PRKN: variants seen among roughly 807,000 people sequenced by gnomAD.
PRKN encodes the protein parkin RBR E3 ubiquitin protein ligase, also known as E3 ubiquitin-protein ligase parkin.
Under a neutral mutation model 59.5 loss-of-function variants are expected in PRKN, and 56 were observed. The ratio of observed to expected loss-of-function variants is 0.94; its 90% CI spans 0.76 to 1.18. PRKN has a LOEUF of 1.18. Among genes scored for constraint, PRKN ranks in the 50% most tolerant of loss-of-function variants. The pLI is 0.00. For missense variants in PRKN, 657 were observed against 596.4 expected, an observed-to-expected ratio of 1.10 and a Z score of -1.06; for synonymous variants, 250 against 222.1, an observed-to-expected ratio of 1.13 and a Z score of -1.12.
intron 3 of PRKN, among the ~76,000 whole-genome samples, chr6:162,212,469 T>C (rs1343373055): frequency 6.6e-6 from 1 of 152,144 alleles, no homozygotes; most frequent in Non-Finnish European, 1.5e-5. Context: ...GGAAAGTTGC[T>C]CGGCCTGTGC....
At chr6:162,702,098 C>T (rs756962816) in intron 1 of PRKN, among the ~76,000 whole-genome samples, 1 of 152,012 alleles carries the variant, frequency 6.6e-6, no homozygotes, top group Non-Finnish European at 1.5e-5. Flanking sequence ...TGAAAACTAT[C>T]GTGACAATTG....
intron 5 of PRKN, among the ~76,000 whole-genome samples, chr6:161,986,491 CTT>C (rs66655962): frequency 0.084 from 11,766 of 139,328 alleles, 520 homozygotes; most frequent in Middle Eastern, 0.12. Context: ...CTGCAGTGTC[CTT>C]TTTTTTTTTT....
At chr6:162,608,547 C>T (rs1338491913) in intron 1 of PRKN, among the ~76,000 whole-genome samples, 1 of 152,152 alleles carries the variant, frequency 6.6e-6, no homozygotes, top group Non-Finnish European at 1.5e-5. Flanking sequence ...ACTTGAATGA[C>T]ATAAACCTCA....
chr6:161,638,121 A>G (rs1046506340), intron 7 of PRKN, among the ~76,000 whole-genome samples: 1 of 150,948 alleles, frequency 6.6e-6, no homozygotes, highest in South Asian at 2.1e-4. Flanking sequence ...TGCAGTCTGC[A>G]GTGATATTCA....
intron 1 of PRKN, among the ~76,000 whole-genome samples, chr6:162,595,576 G>A (rs1781469659): frequency 6.6e-6 from 1 of 151,924 alleles, no homozygotes; most frequent in South Asian, 2.1e-4. Flanking sequence ...TTTTCTTGAG[G>A]TTTGGCTCTA....
chr6:161,994,510 T>C (rs921886133), intron 5 of PRKN, among the ~76,000 whole-genome samples: 5 of 151,832 alleles, frequency 3.3e-5, no homozygotes, highest in African/African-American at 9.7e-5. Context: ...TCATCCAAAC[T>C]GGAAAAAAGA....
At chr6:161,973,953 T>C (rs983279364) in intron 5 of PRKN, among the ~76,000 whole-genome samples, 2 of 152,148 alleles carry the variant, frequency 1.3e-5, no homozygotes, top group Non-Finnish European at 2.9e-5. Context: ...CAAGTACACA[T>C]GGACTCCTGG....
At chr6:161,693,522 A>G (rs1785890775) in intron 7 of PRKN, among the ~76,000 whole-genome samples, 1 of 152,212 alleles carries the variant, frequency 6.6e-6, no homozygotes, top group African/African-American at 2.4e-5. Flanking sequence ...ACATACAATT[A>G]TGACCAGCAA....
chr6:161,785,083 T>A (rs1394925941), intron 7 of PRKN, among the ~76,000 whole-genome samples: 1 of 152,114 alleles, frequency 6.6e-6, no homozygotes, highest in Non-Finnish European at 1.5e-5. Context: ...AGAAAGTGAT[T>A]GGTGGTGGCC....
chr6:161,994,950 T>C (rs953432376), intron 5 of PRKN, among the ~76,000 whole-genome samples: 1 of 148,544 alleles, frequency 6.7e-6, no homozygotes, highest in Non-Finnish European at 1.5e-5. Flanking sequence ...TCCTAAAATA[T>C]GTATGGAACC....
chr6:162,147,407 A>G (rs1055489985), intron 4 of PRKN, among the ~76,000 whole-genome samples: 1 of 151,824 alleles, frequency 6.6e-6, no homozygotes, highest in African/African-American at 2.4e-5. Flanking sequence ...GCTACTTCCA[A>G]TCTCTTTCTT....
intron 10 of PRKN, among the ~76,000 whole-genome samples, chr6:161,367,021 G>A (rs1286187958): frequency 9.3e-5 from 11 of 117,958 alleles, no homozygotes; most frequent in African/African-American, 3.7e-4. Context: ...GACAGAGTGT[G>A]GCTCTGTCGC....
chr6:162,301,667 T>C (rs1010130699), intron 2 of PRKN, among the ~76,000 whole-genome samples: 42 of 151,882 alleles, frequency 2.8e-4, no homozygotes, highest in African/African-American at 7.7e-4. Flanking sequence ...CCAGACCTAT[T>C]ACATTAGGGC....
chr6:162,399,126 AT>A (rs1293475622), intron 2 of PRKN, among the ~76,000 whole-genome samples: 3 of 152,054 alleles, frequency 2.0e-5, no homozygotes, highest in Non-Finnish European at 2.9e-5. Context: ...TCCCCTCCCC[AT>A]TTTTTTTCAT....
intron 2 of PRKN, among the ~76,000 whole-genome samples, chr6:162,348,349 G>A (rs914050927): frequency 1.3e-5 from 2 of 151,998 alleles, no homozygotes; most frequent in African/African-American, 2.4e-5. Flanking sequence ...CCAGAACAAC[G>A]ACCAAAAATA....
intron 7 of PRKN, among the ~76,000 whole-genome samples, chr6:161,727,517 A>G (rs1787492397): frequency 6.6e-6 from 1 of 152,222 alleles, no homozygotes; most frequent in South Asian, 2.1e-4. Flanking sequence ...ATTATGGATC[A>G]ATAAAAGATG....
chr6:161,978,031 G>GTATTTTATTT (rs530789978), intron 5 of PRKN, among the ~76,000 whole-genome samples: 3 of 128,470 alleles, frequency 2.3e-5, no homozygotes, highest in Admixed American at 1.5e-4. Context: ...TTATTTTATT[G>GTATTTTATTT]TATTTTATTT....
chr6:162,300,454 A>T (rs1402586052), intron 2 of PRKN, among the ~76,000 whole-genome samples: 1 of 152,118 alleles, frequency 6.6e-6, no homozygotes, highest in East Asian at 1.9e-4. Context: ...TGCTTATTTT[A>T]GGTCTCCTTA....
intron 7 of PRKN, among the ~76,000 whole-genome samples, chr6:161,705,013 G>T (rs1307578510): frequency 2.0e-5 from 3 of 152,140 alleles, no homozygotes; most frequent in Admixed American, 6.5e-5. Flanking sequence ...TTTCTTAAAG[G>T]TTCTCTGGGT....
Sources: allele counts gnomAD v4.1 joint callset (sites outside exome capture counted in the v4.1 genomes callset), GRCh38; gene constraint gnomAD v4.1.1; transcripts MANE v1.5; gene names NCBI Gene and HGNC (gene_info 2026-07-23, HGNC 2026-07-21).